RBPMS: variants seen among roughly 807,000 people sequenced by gnomAD.
RBPMS encodes the protein RNA binding protein, mRNA processing factor.
A neutral mutation model predicts 26.8 loss-of-function variants in RBPMS; 7 were observed. That is an observed-to-expected ratio of 0.26 (90% CI 0.15 to 0.49). The LOEUF is 0.49. Ranked by LOEUF, RBPMS falls within the 20% of genes least tolerant of loss-of-function variation. The pLI, the probability that RBPMS is intolerant of heterozygous loss-of-function variation, is 0.98. For missense variants in RBPMS, 186 were observed against 250.0 expected (o/e 0.74, Z 1.73); for synonymous variants, 96 against 93.3 (o/e 1.03, Z -0.17).
intron 1 of RBPMS, among the ~76,000 whole-genome samples, chr8:30,450,549 G>T (rs1814443826): frequency 6.6e-6 from 1 of 152,144 alleles, no homozygotes; most frequent in Admixed American, 6.5e-5. Flanking sequence ...TGAGCAAATG[G>T]CAACCTTGGT....
intron 7 of RBPMS, among the ~76,000 whole-genome samples, chr8:30,563,127 T>C (rs1050268213): frequency 2.0e-5 from 3 of 152,144 alleles, no homozygotes; most frequent in African/African-American, 7.2e-5. Flanking sequence ...GCTGAGGGCA[T>C]GTACAGGCCA....
At chr8:30,391,053 C>A (rs137963896) in intron 1 of RBPMS, among the ~76,000 whole-genome samples, 2,117 of 152,144 alleles carry the variant, frequency 0.014, 52 homozygotes, top group African/African-American at 0.048. Context: ...CATTAGGAAC[C>A]TCCATTTGCG....
At chr8:30,562,480 C>T (rs1316665504) in intron 7 of RBPMS, among the ~76,000 whole-genome samples, 9 of 152,096 alleles carry the variant, frequency 5.9e-5, no homozygotes, top group Non-Finnish European at 1.2e-4. Context: ...CTCCTGCACG[C>T]GGGGGAGTCT....
intron 4 of RBPMS, among the ~76,000 whole-genome samples, chr8:30,482,467 A>G (rs186845241): frequency 4.6e-5 from 7 of 152,256 alleles, no homozygotes; most frequent in African/African-American, 1.2e-4. Flanking sequence ...TTCAGTTGTT[A>G]GTATTAGTGA....
chr8:30,422,784 C>T (rs956822193), intron 1 of RBPMS, among the ~76,000 whole-genome samples: 2 of 152,034 alleles, frequency 1.3e-5, no homozygotes, highest in East Asian at 1.9e-4. Context: ...CCAAGAAAAT[C>T]ATAGGAAAAA....
intron 1 of RBPMS, among the ~76,000 whole-genome samples, chr8:30,390,719 G>C (rs562935093): frequency 2.4e-4 from 36 of 152,192 alleles, no homozygotes; most frequent in African/African-American, 8.4e-4. Flanking sequence ...TTTCTGTTAT[G>C]TCCATTTAAC....
chr8:30,416,582 A>G (rs904919339), intron 1 of RBPMS, among the ~76,000 whole-genome samples: 1 of 152,126 alleles, frequency 6.6e-6, no homozygotes, highest in Non-Finnish European at 1.5e-5. Flanking sequence ...TCCTGGGTTC[A>G]TGCCATTCTC....
chr8:30,418,802 C>T (rs1810393245), intron 1 of RBPMS, among the ~76,000 whole-genome samples: 1 of 152,220 alleles, frequency 6.6e-6, no homozygotes, highest in East Asian at 1.9e-4. Flanking sequence ...TGGTCTCAAA[C>T]TCCTGACCTC....
At chr8:30,422,610 T>C (rs1810924987) in intron 1 of RBPMS, among the ~76,000 whole-genome samples, 2 of 152,146 alleles carry the variant, frequency 1.3e-5, no homozygotes, top group Admixed American at 6.5e-5. Context: ...CATTTAGGCA[T>C]GAGAGTGTTC....
chr8:30,392,738 C>A (rs1807927955), intron 1 of RBPMS, among the ~76,000 whole-genome samples: 12 of 152,148 alleles, frequency 7.9e-5, no homozygotes, highest in Admixed American at 7.9e-4. Flanking sequence ...AAGGAGACAG[C>A]CTAGCAGCCT....
rs997408801 is a variant in RBPMS, at chr8:30,571,048, T to C, written c.*523T>C. ...CCAAATATTATCAAAATATCCTGAA[T>C]TGTATTGTGAATATATAGAAATCTG... On this transcript the variant is annotated 3_prime_UTR_variant, in exon 9 of 9. Transcript: ENST00000397323. 1.3e-5 allele frequency: 2 copies of C among 152,188 alleles called. No homozygotes were observed. The highest frequency in any genetic ancestry group is 4.8e-5 in the African/African-American group (2 of 41,438). 9.4% of individuals were successfully genotyped at this position (152,188 alleles called of 1,614,324 possible).
chr8:30,479,269 ACAT>A (rs1818027713), intron 3 of RBPMS, 43 bp from the exon 4 acceptor site: 1 of 1,397,100 alleles, frequency 7.2e-7, no homozygotes, highest in Non-Finnish European at 1.0e-6. Context: ...AGAAAAGTAG[ACAT>A]CATCTGATTT....
chr8:30,549,596 C>G, intron 6 of RBPMS: 1 of 1,604,970 alleles, frequency 6.2e-7, no homozygotes, highest in African/African-American at 1.3e-5. Flanking sequence ...GTGAGGCTTT[C>G]TAGGAGCACC....
chr8:30,569,593 A>G (rs888447699), intron 8 of RBPMS, among the ~76,000 whole-genome samples: 9 of 152,214 alleles, frequency 5.9e-5, no homozygotes, highest in Admixed American at 2.6e-4. Flanking sequence ...GCCACTGGAA[A>G]GATGAGCAGG....
chr8:30,540,831 G>T (rs891004317), intron 5 of RBPMS, among the ~76,000 whole-genome samples: 5 of 152,164 alleles, frequency 3.3e-5, no homozygotes, highest in Non-Finnish European at 7.4e-5. Flanking sequence ...GATCAAACTG[G>T]ATCATGGGAT....
chr8:30,526,352 A>G (rs1431420696), intron 5 of RBPMS, among the ~76,000 whole-genome samples: 1 of 152,176 alleles, frequency 6.6e-6, no homozygotes, highest in South Asian at 2.1e-4. Context: ...CTCTTTCTTC[A>G]TAAAGCTTGC....
At chr8:30,491,573 TA>T (rs1330249533) in intron 4 of RBPMS, among the ~76,000 whole-genome samples, 6 of 152,124 alleles carry the variant, frequency 3.9e-5, no homozygotes, top group Admixed American at 3.9e-4. Flanking sequence ...GTCTGATCTT[TA>T]AATAGAAATC....
intron 5 of RBPMS, among the ~76,000 whole-genome samples, chr8:30,527,741 G>A (rs1823743511): frequency 6.6e-6 from 1 of 152,204 alleles, no homozygotes; most frequent in Non-Finnish European, 1.5e-5. Context: ...GGAAAGAGGA[G>A]TGTCTGTGAG....
chr8:30,567,188 C>A (rs572696887), intron 8 of RBPMS, among the ~76,000 whole-genome samples: 4 of 152,190 alleles, frequency 2.6e-5, no homozygotes, highest in Non-Finnish European at 4.4e-5. Context: ...CTGAAAGGAA[C>A]AAGATTCCTG....
Sources: allele counts gnomAD v4.1 joint callset (sites outside exome capture counted in the v4.1 genomes callset), GRCh38; gene constraint gnomAD v4.1.1; transcripts MANE v1.5; gene names NCBI Gene and HGNC (gene_info 2026-07-23, HGNC 2026-07-21).